Variants in RFX8 observed in about 807,000 individuals in gnomAD.
RFX8 encodes the protein regulatory factor X8, also known as DNA-binding protein RFX8.
A neutral mutation model predicts 54.6 loss-of-function variants in RFX8; 46 were observed. The observed-to-expected ratio is 0.84, with a 90% CI of 0.67 to 1.08. RFX8 has a LOEUF of 1.08. RFX8 is among the 50% of genes least tolerant of loss of function. The probability of loss-of-function intolerance (pLI) is 0.00; values close to 1 mark genes in which losing one functional copy is unlikely to be tolerated. For synonymous variants in RFX8, 192 were observed against 209.5 expected, an observed-to-expected ratio of 0.92 and a Z score of 0.72; for missense variants, 536 against 562.3, an observed-to-expected ratio of 0.95 and a Z score of 0.47.
intron 2 of RFX8, among the ~76,000 whole-genome samples, chr2:101,462,793 A>G (rs1689352030): frequency 6.6e-6 from 1 of 152,186 alleles, no homozygotes; most frequent in Non-Finnish European, 1.5e-5. Flanking sequence ...AAATTTTACC[A>G]TGTTACCTGA....
chr2:101,411,604 T>C (rs566407567), intron 8 of RFX8, among the ~76,000 whole-genome samples: 1 of 152,290 alleles, frequency 6.6e-6, no homozygotes, highest in South Asian at 2.1e-4. Context: ...TTTGGGTTCC[T>C]ACTAGTCAGA....
intron 2 of RFX8, among the ~76,000 whole-genome samples, chr2:101,461,944 A>G (rs1426701176): frequency 1.3e-5 from 2 of 152,168 alleles, no homozygotes; most frequent in Admixed American, 6.5e-5. Context: ...GAATGTTATG[A>G]ATTTGTCTAA....
intron 11 of RFX8, among the ~76,000 whole-genome samples, chr2:101,398,401 G>A (rs772185899): frequency 2.6e-5 from 4 of 152,088 alleles, no homozygotes; most frequent in Admixed American, 6.5e-5. Context: ...AGGCACCCAC[G>A]GTCTCCATGT....
At chr2:101,470,184 C>T (rs1689897350) in intron 1 of RFX8, among the ~76,000 whole-genome samples, 1 of 152,176 alleles carries the variant, frequency 6.6e-6, no homozygotes, top group Admixed American at 6.5e-5. Flanking sequence ...CATTCTGACT[C>T]TGAGACACCT....
Position 101,404,569 on chromosome 2 carries a change from TACTGGGCCACCACA to T in RFX8, c.928+1360_928+1373del, listed in dbSNP as rs1369519910. On this transcript the variant is annotated intron_variant, in intron 10 of 11. Coordinates refer to ENST00000428343, the MANE Select transcript of RFX8 (RefSeq NM_001145664.2). ...CCTCAGCCTCCCAAGTAGCTGGAAC[TACTGGGCCACCACA>T]CCTGGCTAATTTTTTTTTTTTTTCG... Among the ~76,000 whole-genome samples, 11 of 151,466 alleles carry T rather than the reference TACTGGGCCACCACA, an allele frequency of 7.3e-5. 1 individual carries two copies. Among genetic ancestry groups the T allele is most frequent in the Admixed American group, 1.3e-4 (2 of 15,208 alleles).
At chr2:101,464,752 C>T (rs927147585) in intron 2 of RFX8, among the ~76,000 whole-genome samples, 1 of 152,184 alleles carries the variant, frequency 6.6e-6, no homozygotes, top group East Asian at 1.9e-4. Flanking sequence ...TAGTCACACA[C>T]TGGAGTCTCT....
rs1444909818 is a variant in RFX8 at position 101,402,469 on chromosome 2, C to T, written c.1212G>A (p.Leu404=). The T allele has an allele frequency of 1.3e-6, 2 of 1,550,622 alleles. No homozygotes were observed. The highest frequency in any genetic ancestry group is 3.9e-5 in the Admixed American group (2 of 50,976). ...VGVSNMVLRI[L]GFLVDTAMGN... ...CCATGGCAGTGTCCACCAGGAAGCC[C>T]AGGATCCTGAGGACCATGTTGCTCA... The change falls in exon 11 of 12, where the codon CTG becomes CTA. Residue 404 remains leucine (L), a synonymous_variant. Coordinates refer to ENST00000428343, the MANE Select transcript of RFX8 (RefSeq NM_001145664.2).
chr2:101,428,196 G>C (rs928421836), intron 2 of RFX8, among the ~76,000 whole-genome samples: 2 of 152,188 alleles, frequency 1.3e-5, no homozygotes, highest in African/African-American at 4.8e-5. Context: ...GGGAGGCTGA[G>C]GCAGGAGAAT....
intron 2 of RFX8, among the ~76,000 whole-genome samples, chr2:101,453,515 G>T (rs1446552994): frequency 6.6e-6 from 1 of 152,116 alleles, no homozygotes; most frequent in Non-Finnish European, 1.5e-5. Context: ...CCAGGAGGCA[G>T]AGGTTGCAGT....
intron 9 of RFX8, among the ~76,000 whole-genome samples, chr2:101,409,595 G>A (rs1185754018): frequency 6.6e-6 from 1 of 151,964 alleles, no homozygotes; most frequent in African/African-American, 2.4e-5. Context: ...CGCCTGCTGG[G>A]TTCAAGCGAT....
intron 2 of RFX8, among the ~76,000 whole-genome samples, chr2:101,425,236 A>G (rs1021149487): frequency 1.3e-5 from 2 of 152,136 alleles, no homozygotes; most frequent in Non-Finnish European, 1.5e-5. Flanking sequence ...TATTTTCCAG[A>G]GCACTCACAC....
intron 2 of RFX8, among the ~76,000 whole-genome samples, chr2:101,462,317 C>T (rs1171684122): frequency 1.3e-5 from 2 of 152,068 alleles, no homozygotes; most frequent in Admixed American, 1.3e-4. Context: ...GTAGTCCCAG[C>T]TACTTGGGAG....
intron 9 of RFX8, among the ~76,000 whole-genome samples, chr2:101,409,385 G>A (rs1685949931): frequency 6.6e-6 from 1 of 152,024 alleles, no homozygotes; most frequent in South Asian, 2.1e-4. Flanking sequence ...ATCACGCCCA[G>A]CTAATTTTTT....
chr2:101,406,339 ATT>A, intron 9 of RFX8, among the ~76,000 whole-genome samples: 1 of 146,550 alleles, frequency 6.8e-6, no homozygotes, highest in African/African-American at 2.5e-5. Flanking sequence ...AAAAAAGCAA[ATT>A]TTTTTTTTTT....
intron 2 of RFX8, among the ~76,000 whole-genome samples, chr2:101,427,280 G>C (rs1410713640): frequency 5.3e-5 from 8 of 152,192 alleles, no homozygotes; most frequent in Admixed American, 2.0e-4. Context: ...TAAAGACCTT[G>C]AGATGGGAGG....
intron 1 of RFX8, among the ~76,000 whole-genome samples, chr2:101,471,477 A>G (rs1689987134): frequency 6.6e-6 from 1 of 152,210 alleles, no homozygotes; most frequent in South Asian, 2.1e-4. Flanking sequence ...TAAAATTTCA[A>G]CAGAGTCTGC....
At chr2:101,417,750 T>G (rs1686616394) in intron 5 of RFX8, 66 bp from the exon 6 acceptor site, 1 of 1,352,652 alleles carries the variant, frequency 7.4e-7, no homozygotes, top group Admixed American at 2.3e-5. Context: ...AGCTTATGCA[T>G]GCCACAGGGA....
At position 101,413,311 on chromosome 2, in the gene RFX8, CACT is replaced by C. The variant is rs1489836430; in HGVS notation, c.562-243_562-241del. 5.9e-5 allele frequency among the ~76,000 whole-genome samples: 9 copies of C among 152,320 alleles called. No homozygotes were observed. The East Asian group carries it at 1.4e-3, about 23-fold the overall frequency. ...GGAAGATGCGTTCAGGGCTGTCTGG[CACT>C]GCTGCTGCTGCTTCTCTGCACCACA... On this transcript the variant is annotated intron_variant, in intron 7 of 11. Coordinates refer to ENST00000428343, the MANE Select transcript of RFX8 (RefSeq NM_001145664.2).
chr2:101,458,405 G>A (rs1377842254), intron 2 of RFX8, among the ~76,000 whole-genome samples: 4 of 152,254 alleles, frequency 2.6e-5, no homozygotes, highest in African/African-American at 7.2e-5. Flanking sequence ...GACAGGCCTC[G>A]TGGTGACAAA....
Sources: gnomAD v4.1 joint callset for allele counts (sites outside exome capture counted in the v4.1 genomes callset) on GRCh38, gnomAD v4.1.1 for gene constraint, MANE v1.5 for transcripts, NCBI Gene and HGNC (gene_info 2026-07-23, HGNC 2026-07-21) for gene names.